Variants in DACH2 observed in about 807,000 individuals in gnomAD.
DACH2 encodes the protein dachshund family transcription factor 2, also known as dachshund homolog 2.
A neutral mutation model predicts 35.8 loss-of-function variants in DACH2; 17 were observed. The ratio of observed to expected loss-of-function variants is 0.48; its 90% confidence interval spans 0.33 to 0.71. The LOEUF (loss-of-function observed/expected upper bound fraction) is 0.71. Ranked by LOEUF, DACH2 falls within the 30% of genes least tolerant of loss-of-function variation. The pLI, the probability that DACH2 is intolerant of heterozygous loss-of-function variation, is 0.02. For synonymous variants in DACH2, 195 were observed against 177.3 expected (o/e 1.10, Z -0.79); for missense variants, 469 against 472.7 (o/e 0.99, Z 0.07).
At chrX:86,438,625 T>C (rs1029302151) in intron 2 of DACH2, among the ~76,000 whole-genome samples, 5 of 112,382 alleles carry the variant, frequency 4.4e-5, no homozygotes, top group African/African-American at 1.6e-4. Flanking sequence ...GTTGATTCCA[T>C]GTATTTGCTA....
At chrX:86,359,122 T>TGTGTGC (rs1569362549) in intron 1 of DACH2, among the ~76,000 whole-genome samples, 1 of 109,422 alleles carries the variant, frequency 9.1e-6, no homozygotes, top group Admixed American at 9.9e-5. Flanking sequence ...TGTTTGTGTG[T>TGTGTGC]GCATGTGTGT....
At chrX:86,442,402 T>C (rs2037182638) in intron 2 of DACH2, among the ~76,000 whole-genome samples, 1 of 106,501 alleles carries the variant, frequency 9.4e-6, no homozygotes, top group Non-Finnish European at 1.9e-5. Context: ...TTTTTTTTTT[T>C]TTTTGCTATT....
At chrX:86,207,237 C>T (rs895852496) in intron 1 of DACH2, among the ~76,000 whole-genome samples, 9 of 111,626 alleles carry the variant, frequency 8.1e-5, no homozygotes, top group African/African-American at 2.6e-4. Context: ...TCTTCCGTCT[C>T]TGTTGCCAAG....
chrX:86,400,250 C>G (rs2036397503), intron 2 of DACH2, among the ~76,000 whole-genome samples: 2 of 111,331 alleles, frequency 1.8e-5, no homozygotes, highest in Admixed American at 1.9e-4. Flanking sequence ...TTAAGGACTT[C>G]TCTACATTGG....
chrX:86,180,175 CGTATAT>C (rs1168467382), intron 1 of DACH2, among the ~76,000 whole-genome samples: 3 of 15,594 alleles, frequency 1.9e-4, no homozygotes, highest in African/African-American at 7.2e-4. Flanking sequence ...CATGCTAAAC[CGTATAT>C]ATATATATAT....
chrX:86,565,381 C>A (rs2039280626), intron 3 of DACH2, among the ~76,000 whole-genome samples: 1 of 111,382 alleles, frequency 9.0e-6, no homozygotes, highest in South Asian at 3.7e-4. Context: ...GTGTGGTCCC[C>A]GGACCATCAG....
chrX:86,159,747 T>C (rs745351907), intron 1 of DACH2, among the ~76,000 whole-genome samples: 81 of 111,849 alleles, frequency 7.2e-4, no homozygotes, highest in African/African-American at 2.6e-3. Flanking sequence ...TATTGTTTCA[T>C]GGTTAACTCT....
intron 3 of DACH2, among the ~76,000 whole-genome samples, chrX:86,535,407 CTCTCTTGG>C (rs1229548197): frequency 9.0e-6 from 1 of 111,712 alleles, no homozygotes; most frequent in East Asian, 2.8e-4. Flanking sequence ...GAATAGACTC[CTCTCTTGG>C]CCATGGGTAT....
intron 1 of DACH2, among the ~76,000 whole-genome samples, chrX:86,149,615 C>T (rs1440674296): frequency 9.0e-6 from 1 of 111,241 alleles, no homozygotes; most frequent in Non-Finnish European, 1.9e-5. Flanking sequence ...GAGGGTGATT[C>T]GATCCCCATC....
intron 2 of DACH2, among the ~76,000 whole-genome samples, chrX:86,502,009 T>TC (rs201181598): frequency 0.2 from 16,887 of 82,804 alleles, 1,914 homozygotes; most frequent in Middle Eastern, 0.41. Flanking sequence ...CTTCTTTCCT[T>TC]CTTTCCTTCC....
At chrX:86,281,303 C>T (rs751848327) in intron 1 of DACH2, among the ~76,000 whole-genome samples, 6 of 111,286 alleles carry the variant, frequency 5.4e-5, no homozygotes, top group African/African-American at 1.6e-4. Context: ...TTATCCACCA[C>T]GATCAAGTTG....
At chrX:86,640,436 C>A (rs1217358763) in intron 3 of DACH2, among the ~76,000 whole-genome samples, 1 of 111,684 alleles carries the variant, frequency 9.0e-6, no homozygotes, top group Non-Finnish European at 1.9e-5. Flanking sequence ...GACAGTAAAC[C>A]CCTGGCTTGG....
Position 86,546,357 on chromosome X carries a change from CTCTTCTTCT to C in DACH2, c.640+32005_640+32013del, listed in dbSNP as rs1195943792. On this transcript the variant is annotated intron_variant, in intron 3 of 11. Transcript: ENST00000373125. ...CTTCTTCCTCTTCTTCTTCTTCTTCCTCTTCTTCTTCTTCTTCTTCTTCTTCTTCTTCTT... is the reference window on the plus strand; with the variant it reads ...CTTCTTCCTCTTCTTCTTCTTCTTCCTCTTCTTCTTCTTCTTCTTCTTCTT... Among the ~76,000 whole-genome samples, 467 of 50,071 alleles carry C rather than the reference CTCTTCTTCT, an allele frequency of 9.3e-3. 4 individuals are homozygous for C. Among genetic ancestry groups the C allele is most frequent in the South Asian group, 0.016 (10 of 642 alleles). The allele number at this position is 50,071 out of a possible 115,157, so 43.5% of individuals were successfully genotyped here. A position where few individuals can be genotyped will look rare whatever the true frequency, so the allele number is the denominator to read the frequency against.
intron 1 of DACH2, among the ~76,000 whole-genome samples, chrX:86,338,655 G>C (rs1166269095): frequency 1.8e-5 from 2 of 111,484 alleles, no homozygotes; most frequent in Non-Finnish European, 1.9e-5. Flanking sequence ...AAAATTAAAA[G>C]AACTAGCGAA....
chrX:86,832,103 A>T lies in DACH2; in HGVS notation c.1751-3A>T. Reference sequence around the variant, plus strand: ...GAACTAACTTGTTTTCTTTTTTTTTAAGGAGGTAACTATTACTGTTTAGAA... The same window carrying T: ...GAACTAACTTGTTTTCTTTTTTTTTTAGGAGGTAACTATTACTGTTTAGAA... On this transcript the variant is annotated splice_polypyrimidine_tract_variant and splice_region_variant and intron_variant, in intron 11 of 11. Transcript: ENST00000373125. 8.6e-7 allele frequency: 1 copy of T among 1,166,023 alleles called. No homozygotes were observed. The highest frequency in any genetic ancestry group is 1.2e-6 in the Non-Finnish European group (1 of 859,955).
At chrX:86,462,780 C>A (rs2148212297) in intron 2 of DACH2, among the ~76,000 whole-genome samples, 1 of 111,087 alleles carries the variant, frequency 9.0e-6, no homozygotes, top group African/African-American at 3.3e-5. Context: ...GGAGTTATAC[C>A]TACCTTTGAG....
At chrX:86,491,630 C>T (rs929392152) in intron 2 of DACH2, among the ~76,000 whole-genome samples, 3 of 111,429 alleles carry the variant, frequency 2.7e-5, no homozygotes, top group African/African-American at 9.8e-5. Context: ...ATTTTCAGAA[C>T]GTATTTTGAC....
intron 1 of DACH2, among the ~76,000 whole-genome samples, chrX:86,290,989 T>C (rs1262695518): frequency 1.8e-5 from 2 of 108,237 alleles, no homozygotes; most frequent in African/African-American, 6.8e-5. Context: ...ATGGGGATGG[T>C]ATTGAATCTG....
At chrX:86,724,853 A>G (rs1018624283) in intron 6 of DACH2, among the ~76,000 whole-genome samples, 1 of 110,845 alleles carries the variant, frequency 9.0e-6, no homozygotes, top group African/African-American at 3.3e-5. Context: ...ATGTACTTCA[A>G]AATGTGCTCT....
Sources: gnomAD v4.1 joint callset for allele counts (sites outside exome capture counted in the v4.1 genomes callset) on GRCh38, gnomAD v4.1.1 for gene constraint, MANE v1.5 for transcripts, NCBI Gene and HGNC (gene_info 2026-07-23, HGNC 2026-07-21) for gene names.